The following ACACB variants were observed in gnomAD, a reference collection of about 807,000 sequenced individuals.
ACACB encodes the protein acetyl-CoA carboxylase 2.
In ACACB, 209 loss-of-function variants were observed where a neutral mutation model predicts 278.8. That is an observed-to-expected ratio of 0.75 (90% confidence interval 0.67 to 0.84). The LOEUF (loss-of-function observed/expected upper bound fraction) is 0.84, where lower values mean the gene tolerates loss of function less well. Among genes scored for constraint, ACACB ranks in the 40% least tolerant of loss-of-function variants. ACACB has a pLI of 0.00. For synonymous variants in ACACB, 1,174 were observed against 1,285.6 expected (o/e 0.91, Z 1.86); for missense variants, 2,850 against 3,269.0 (o/e 0.87, Z 3.13).
intron 2 of ACACB, among the ~76,000 whole-genome samples, chr12:109,157,888 A>G (rs1257023929): frequency 6.6e-6 from 1 of 152,194 alleles, no homozygotes; most frequent in East Asian, 1.9e-4. Flanking sequence ...AGGAGGCAGA[A>G]GTTGTTTTTT....
intron 22 of ACACB, among the ~76,000 whole-genome samples, chr12:109,215,652 CT>C (rs2045972710): frequency 6.6e-6 from 1 of 151,996 alleles, no homozygotes. Context: ...GTAGTCCCAG[CT>C]ACTCGGGAGG....
chr12:109,138,656 A>G (rs551490754), intron 1 of ACACB, among the ~76,000 whole-genome samples: 1 of 152,234 alleles, frequency 6.6e-6, no homozygotes, highest in East Asian at 1.9e-4. Context: ...CAGGAGTTAG[A>G]GAGCAACCTG....
At chr12:109,227,248 C>A in intron 27 of ACACB, 123 bp from the exon 28 acceptor site, 1 of 874,578 alleles carries the variant, frequency 1.1e-6, no homozygotes, top group South Asian at 1.7e-5. Context: ...CTGCACCCGG[C>A]CTGCTTACAG....
chr12:109,173,370 G>A (rs187605831), intron 6 of ACACB, among the ~76,000 whole-genome samples: 38 of 152,244 alleles, frequency 2.5e-4, no homozygotes, highest in East Asian at 1.3e-3. Flanking sequence ...TCTCCTTACC[G>A]GTGGGTCTGA....
intron 24 of ACACB, among the ~76,000 whole-genome samples, chr12:109,217,742 G>A (rs1277461685): frequency 1.3e-5 from 2 of 152,166 alleles, no homozygotes; most frequent in African/African-American, 2.4e-5. Context: ...TGAGGCTGCA[G>A]TAAGCTGTGA....
At chr12:109,167,649 A>ATATATATATATATATATATATT (rs1182780906) in intron 3 of ACACB, among the ~76,000 whole-genome samples, 1 of 139,482 alleles carries the variant, frequency 7.2e-6, no homozygotes, top group Non-Finnish European at 1.5e-5. Flanking sequence ...ATATATATAT[A>ATATATATATATATATATATATT]TATATTTCAG....
chr12:109,229,696 C>CT (rs372626028), intron 28 of ACACB, among the ~76,000 whole-genome samples: 4 of 151,880 alleles, frequency 2.6e-5, no homozygotes, highest in Admixed American at 2.0e-4. Context: ...AGCCCCACTA[C>CT]TTTTTTTTGT....
chr12:109,130,065 G>C (rs1398154357), intron 1 of ACACB, among the ~76,000 whole-genome samples: 1 of 152,184 alleles, frequency 6.6e-6, no homozygotes, highest in East Asian at 1.9e-4. Context: ...ACTGAGGTTT[G>C]GAGAGGGGAG....
At chr12:109,209,643 A>G (rs2045622349) in intron 21 of ACACB, among the ~76,000 whole-genome samples, 1 of 151,948 alleles carries the variant, frequency 6.6e-6, no homozygotes, top group Admixed American at 6.6e-5. Context: ...GCATTTCCCA[A>G]AAAATAAACT....
At chr12:109,234,674 A>G (rs952618589) in intron 31 of ACACB, among the ~76,000 whole-genome samples, 2 of 152,174 alleles carry the variant, frequency 1.3e-5, no homozygotes, top group African/African-American at 4.8e-5. Context: ...GCTGGAAGCC[A>G]TCATCCTCAG....
intron 16 of ACACB, among the ~76,000 whole-genome samples, chr12:109,194,134 T>C (rs1292862449): frequency 2.0e-5 from 3 of 152,154 alleles, no homozygotes; most frequent in Non-Finnish European, 4.4e-5. Context: ...TGGCAGTCCC[T>C]GGTGATTTTT....
At chr12:109,157,488 T>G (rs559286440) in intron 2 of ACACB, among the ~76,000 whole-genome samples, 197 of 152,100 alleles carry the variant, frequency 1.3e-3, no homozygotes, top group African/African-American at 4.5e-3. Flanking sequence ...CCCAGGCTGG[T>G]CTTGAACTCT....
At chr12:109,232,424 C>T (rs80294521) in intron 28 of ACACB, among the ~76,000 whole-genome samples, 4,935 of 152,302 alleles carry the variant, frequency 0.032, 105 homozygotes, top group Middle Eastern at 0.058. Flanking sequence ...AGACTGGACT[C>T]TCATGCATGA....
intron 41 of ACACB, 50 bp from the exon 42 acceptor site, chr12:109,251,996 G>T: frequency 7.1e-7 from 1 of 1,410,760 alleles, no homozygotes; most frequent in South Asian, 1.3e-5. Context: ...GCTGTGGGGG[G>T]TGGGTCCCTC....
intron 2 of ACACB, among the ~76,000 whole-genome samples, chr12:109,153,078 G>A (rs1353587093): frequency 6.6e-6 from 1 of 151,836 alleles, no homozygotes; most frequent in Non-Finnish European, 1.5e-5. Flanking sequence ...CCTCTGCCTC[G>A]TGGGTTCAAG....
chr12:109,216,519 C>A, intron 22 of ACACB, 99 bp from the exon 23 acceptor site: 1 of 1,270,872 alleles, frequency 7.9e-7, no homozygotes, highest in Non-Finnish European at 1.1e-6. Flanking sequence ...CATGCCCAGC[C>A]AATCCTTTCT....
In ACACB at chr12:109,133,873, T is replaced by A. The variant is rs1358713284; in HGVS notation, c.-9-5524T>A. On this transcript the variant is annotated intron_variant, in intron 1 of 52. Coordinates refer to ENST00000338432, the MANE Select transcript of ACACB (RefSeq NM_001093.4). The stretch of plus-strand genomic sequence containing the variant: ...TATATATATATATATATTTTTTTTT[T>A]TTTTTTTTTCATTTTTTCAGCACAC... Among the ~76,000 whole-genome samples, 123 of 58,504 alleles carry A rather than the reference T, an allele frequency of 2.1e-3. 1 individual carries two copies. Among genetic ancestry groups the A allele is most frequent in the African/African-American group, 7.7e-3 (106 of 13,826 alleles). The allele number at this position is 58,504 out of a possible 152,430, so 38.4% of individuals were successfully genotyped here.
intron 1 of ACACB, among the ~76,000 whole-genome samples, chr12:109,129,520 T>A (rs1350751894): frequency 6.6e-6 from 1 of 152,220 alleles, no homozygotes; most frequent in Non-Finnish European, 1.5e-5. Context: ...ATTAAAAAAA[T>A]AATCCTCTGT....
chr12:109,203,031 G>T (rs2045382454), intron 19 of ACACB, among the ~76,000 whole-genome samples: 1 of 152,148 alleles, frequency 6.6e-6, no homozygotes, highest in Non-Finnish European at 1.5e-5. Context: ...CCTCCCTCCA[G>T]CCCCTGGCAA....
Sources: allele counts gnomAD v4.1 joint callset (sites outside exome capture counted in the v4.1 genomes callset), GRCh38; gene constraint gnomAD v4.1.1; transcripts MANE v1.5; gene names NCBI Gene and HGNC (gene_info 2026-07-23, HGNC 2026-07-21).